MEST: variants seen among roughly 807,000 people sequenced by gnomAD.
The protein encoded by MEST is mesoderm specific transcript.
MEST carries 18 observed loss-of-function variants against 50.9 expected under a neutral mutation model. The ratio of observed to expected loss-of-function variants is 0.35; its 90% CI spans 0.24 to 0.52. The LOEUF (loss-of-function observed/expected upper bound fraction) is 0.52. Ranked by LOEUF, MEST falls within the 20% of genes least tolerant of loss-of-function variation. The probability of loss-of-function intolerance (pLI) is 0.94; values close to 1 mark genes in which losing one functional copy is unlikely to be tolerated. For missense variants in MEST, 282 were observed against 425.3 expected (o/e 0.66, Z 2.96); for synonymous variants, 130 against 154.1 (o/e 0.84, Z 1.16).
chr7:130,503,491 T>C (rs1554439042), intron 10 of MEST, among the ~76,000 whole-genome samples: 1 of 152,276 alleles, frequency 6.6e-6, no homozygotes, highest in African/African-American at 2.4e-5. Context: ...AGGTTTTGTA[T>C]CACACAAAAA....
rs902215179 is a variant in MEST, at chr7:130,492,697, G to A, written c.26+358G>A. The A allele has an allele frequency of 4.0e-5, 9 of 227,460 alleles. No homozygotes were observed. The highest frequency in any genetic ancestry group is 7.7e-5 in the Non-Finnish European group (9 of 116,994). The allele number at this position is 227,460 out of a possible 1,614,324, so 14.1% of individuals were successfully genotyped here. ...GATTTTTAGATCCTGGCATCACCCT[G>A]GTGCGATTTAGGATTTTTATACTCA... On this transcript the variant is annotated intron_variant, in intron 1 of 11. Coordinates refer to ENST00000223215, the MANE Select transcript of MEST (RefSeq NM_002402.4). The surrounding 1 kb of genome is among the most constrained non-coding windows in gnomAD (Gnocchi z 7.6).
At position 130,498,132 on chromosome 7, in the gene MEST, T is replaced by C; in HGVS notation, c.340-7T>C. ...CATCCTGTGTATGTGGGCTTTCCTT[T>C]CCTCAGAGACCACATCACTATTCCA... On this transcript the variant is annotated splice_region_variant and splice_polypyrimidine_tract_variant and intron_variant, in intron 4 of 11. Coordinates refer to ENST00000223215, the MANE Select transcript of MEST (RefSeq NM_002402.4). 1 of 1,614,134 alleles carries C rather than the reference T, an allele frequency of 6.2e-7. No individual in the cohort carries two copies. The highest frequency in any genetic ancestry group is 8.5e-7 in the Non-Finnish European group (1 of 1,180,022).
chr7:130,488,543 G>T (rs1399298575), upstream of MEST: 1 of 152,196 alleles, frequency 6.6e-6, no homozygotes, highest in African/African-American at 2.4e-5. Flanking sequence ...GCACATCTGC[G>T]TTCAGTTCCC....
Position 130,506,219 on chromosome 7 carries a change from C to A in MEST, c.*1163C>A, listed in dbSNP as rs1157277109. 1 of 152,232 alleles carries A rather than the reference C, an allele frequency of 6.6e-6. No individual in the cohort carries two copies. The highest frequency in any genetic ancestry group is 1.9e-4 in the East Asian group (1 of 5,190). The allele number at this position is 152,232 out of a possible 1,614,324, so 9.4% of individuals were successfully genotyped here. On this transcript the variant is annotated 3_prime_UTR_variant, in exon 12 of 12. Transcript: ENST00000223215. ...TTTAAAATTCGTTTTTTTAAATTAG[C>A]AACTTCAAGTATAACAACTTTGAAA...
chr7:130,504,960 A>G lies in MEST; in HGVS notation c.912A>G (p.Thr304=). 6.2e-7 allele frequency: 1 copy of G among 1,613,780 alleles called. No individual in the cohort carries two copies. The highest frequency in any genetic ancestry group is 2.2e-5 in the East Asian group (1 of 44,886). Reference sequence around the variant, plus strand: ...CTAGGAAAACGCTGCCGCGGTCCACAGTGTCGATTCTGGATGACCACATTA... The same window carrying G: ...CTAGGAAAACGCTGCCGCGGTCCACGGTGTCGATTCTGGATGACCACATTA... ...ELYRKTLPRS[T]VSILDDHISH... The change falls in exon 12 of 12, where the codon ACA becomes ACG. Residue 304 remains threonine (T), a synonymous_variant. Transcript: ENST00000223215.
At chr7:130,502,919 C>CA (rs200784414) in intron 10 of MEST, among the ~76,000 whole-genome samples, 199 bp downstream of exon 10, 63 of 150,460 alleles carry the variant, frequency 4.2e-4, no homozygotes, top group African/African-American at 7.3e-4. Flanking sequence ...CTACTTACAC[C>CA]AAAAAAAAAT....
chr7:130,495,740 T>A, intron 2 of MEST: 1 of 441,296 alleles, frequency 2.3e-6, no homozygotes, highest in Non-Finnish European at 3.9e-6. Flanking sequence ...CCTTTTAGTA[T>A]AAGTTTTCTT....
chr7:130,496,808 T>C, intron 2 of MEST: 1 of 180,004 alleles, frequency 5.6e-6, no homozygotes, highest in Non-Finnish European at 1.2e-5. Context: ...TGTGATCATA[T>C]GCTTTTAACT....
chr7:130,504,254 C>T (rs554955636), intron 11 of MEST, among the ~76,000 whole-genome samples: 2 of 152,320 alleles, frequency 1.3e-5, no homozygotes, highest in Admixed American at 1.3e-4. Context: ...CCTTGGTGTA[C>T]AAAAAGCTCT....
intron 1 of MEST, among the ~76,000 whole-genome samples, chr7:130,494,024 GAA>G (rs1554436170): frequency 6.6e-6 from 1 of 152,060 alleles, no homozygotes; most frequent in African/African-American, 2.4e-5. Context: ...GTACTTTGGA[GAA>G]AAAAAGAAAT....
intron 10 of MEST, 24 bp downstream of exon 10, chr7:130,502,744 A>G (rs781834012): frequency 3.3e-5 from 51 of 1,540,812 alleles, no homozygotes; most frequent in Non-Finnish European, 5.4e-6. Flanking sequence ...TATTATTGAT[A>G]GGAAACTGAA....
chr7:130,495,627 G>A lies in MEST; in HGVS notation c.181+105G>A, dbSNP rs1476805033. 1.8e-5 allele frequency: 21 copies of A among 1,167,830 alleles called. No individual in the cohort carries two copies. The African/African-American group carries it at 2.9e-4, about 16-fold the overall frequency. The allele number at this position is 1,167,830 out of a possible 1,614,324, so 72.3% of individuals were successfully genotyped here. A position where few individuals can be genotyped will look rare whatever the true frequency, so the allele number is the denominator to read the frequency against. ...TCTCTTGTTGCTCCTTAATGATGGAGGAGAGTATCTCTCTCTCTTTCTGTG... is the reference window on the plus strand; with the variant it reads ...TCTCTTGTTGCTCCTTAATGATGGAAGAGAGTATCTCTCTCTCTTTCTGTG... On this transcript the variant is annotated intron_variant, in intron 2 of 11. Coordinates refer to ENST00000223215, the MANE Select transcript of MEST (RefSeq NM_002402.4).
intron 6 of MEST, among the ~76,000 whole-genome samples, chr7:130,499,152 T>A (rs1554437966): frequency 6.6e-6 from 1 of 152,212 alleles, no homozygotes; most frequent in African/African-American, 2.4e-5. Flanking sequence ...TCCTAACTGA[T>A]GGCAGTGCCA....
At chr7:130,504,073 G>A in intron 11 of MEST, 77 bp downstream of exon 11, 1 of 1,199,160 alleles carries the variant, frequency 8.3e-7, no homozygotes, top group East Asian at 2.3e-5. Flanking sequence ...CCTGTTGAGG[G>A]CTATTGGCTC....
In MEST at chr7:130,500,267, AAT is replaced by A. The variant is rs369366352; in HGVS notation, c.577-194_577-193del. 3.6e-4 allele frequency among the ~76,000 whole-genome samples: 55 copies of A among 152,360 alleles called. No homozygotes were observed. The East Asian group carries it at 0.01, about 29-fold the overall frequency. ...GGGATTTAGTGAATTGTAGAAAAGT[AAT>A]CTTAGATGGAATTAGAAATAGATTT... On this transcript the variant is annotated intron_variant, in intron 7 of 11. Coordinates refer to ENST00000223215, the MANE Select transcript of MEST (RefSeq NM_002402.4). The surrounding 1 kb of genome is among the most constrained non-coding windows in gnomAD (Gnocchi z 5.0).
Position 130,505,097 on chromosome 7 carries a change from C to CT in MEST, c.*43dup. The CT allele has an allele frequency of 7.1e-7, 1 of 1,411,184 alleles. No homozygotes were observed. The allele number at this position is 1,411,184 out of a possible 1,614,324, so 87.4% of individuals were successfully genotyped here. On this transcript the variant is annotated 3_prime_UTR_variant, in exon 12 of 12. Coordinates refer to ENST00000223215, the MANE Select transcript of MEST (RefSeq NM_002402.4). ...TTCCCTGTATTACCTCCCCTACTCC[C>CT]TTATGTGTTGTGTATTCCACTTAGG...
In MEST at chr7:130,502,858, A is replaced by C. The variant is rs537467098; in HGVS notation, c.826+138A>C. 12 of 637,254 alleles carry C rather than the reference A, an allele frequency of 1.9e-5. No individual in the cohort carries two copies. In the East Asian group the frequency reaches 2.2e-4, roughly 12 times the overall value. The allele number at this position is 637,254 out of a possible 1,614,324, so 39.5% of individuals were successfully genotyped here. ...CCAGTTAAATTTGAATTTTAGATAA[A>C]CAACAAATGCTTTTTTAGTATTTAA... On this transcript the variant is annotated intron_variant, in intron 10 of 11. Coordinates refer to ENST00000223215, the MANE Select transcript of MEST (RefSeq NM_002402.4).
intron 1 of MEST, 127 bp from the exon 2 acceptor site, chr7:130,495,233 TTGTGCCTA>T: frequency 1.2e-6 from 1 of 812,416 alleles, no homozygotes; most frequent in Non-Finnish European, 1.9e-6. Flanking sequence ...TCGGTCAGCT[TTGTGCCTA>T]TGTGAAGGGC....
rs557883920 is a variant in MEST at position 130,500,408 on chromosome 7, G to A, written c.577-54G>A. On this transcript the variant is annotated intron_variant, in intron 7 of 11. Transcript: ENST00000223215. The surrounding 1 kb of genome is among the most constrained non-coding windows in gnomAD (Gnocchi z 5.0). ...TTCCTAGTATAAAACCTTTTGCCCCGGTGAGGATCTTCCTCTGGGTTCTTG... is the reference window on the plus strand; with the variant it reads ...TTCCTAGTATAAAACCTTTTGCCCCAGTGAGGATCTTCCTCTGGGTTCTTG... 2.4e-5 allele frequency: 36 copies of A among 1,500,390 alleles called. No homozygotes were observed. Among genetic ancestry groups the A allele is most frequent in the South Asian group, 1.1e-4 (9 of 85,038 alleles). 92.9% of individuals were successfully genotyped at this position (1,500,390 alleles called of 1,614,324 possible).
Sources: gnomAD v4.1 joint callset for allele counts (sites outside exome capture counted in the v4.1 genomes callset) on GRCh38, gnomAD v4.1.1 for gene constraint, Gnocchi (gnomAD v3.1) non-coding constraint, MANE v1.5 for transcripts, NCBI Gene and HGNC (gene_info 2026-07-23, HGNC 2026-07-21) for gene names.